DLG2: variants seen among roughly 807,000 people sequenced by gnomAD.
DLG2 encodes the protein disks large homolog 2.
Under a neutral mutation model 132.5 loss-of-function variants are expected in DLG2, and 45 were observed. That is an observed-to-expected ratio of 0.34 (90% CI 0.27 to 0.44). The LOEUF (loss-of-function observed/expected upper bound fraction) is 0.44. Ranked by LOEUF, DLG2 falls within the 20% of genes least tolerant of loss-of-function variation. DLG2 has a pLI of 1.00. For synonymous variants in DLG2, 424 were observed against 419.6 expected (o/e 1.01, Z -0.13); for missense variants, 1,045 against 1,196.9 (o/e 0.87, Z 1.87).
intron 18 of DLG2, among the ~76,000 whole-genome samples, chr11:83,688,840 T>C (rs2080319382): frequency 6.6e-6 from 1 of 152,104 alleles, no homozygotes; most frequent in African/African-American, 2.4e-5. Context: ...GACCACCAAT[T>C]TGTCCTATCC....
At chr11:84,555,046 C>T (rs564272537) in intron 6 of DLG2, among the ~76,000 whole-genome samples, 1 of 151,986 alleles carries the variant, frequency 6.6e-6, no homozygotes, top group African/African-American at 2.4e-5. Context: ...GGAGAGGTAA[C>T]CTGGAATAAG....
chr11:84,766,251 T>C (rs1386169186), intron 6 of DLG2, among the ~76,000 whole-genome samples: 1 of 152,052 alleles, frequency 6.6e-6, no homozygotes, highest in African/African-American at 2.4e-5. Flanking sequence ...TAGGAACTGA[T>C]TGAAATTTTC....
intron 18 of DLG2, among the ~76,000 whole-genome samples, chr11:83,654,812 T>A (rs2071829505): frequency 6.6e-6 from 1 of 152,226 alleles, no homozygotes; most frequent in Non-Finnish European, 1.5e-5. Context: ...ATGCTAGTAA[T>A]AATTAACATA....
intron 6 of DLG2, among the ~76,000 whole-genome samples, chr11:84,580,166 T>G (rs1274283150): frequency 1.3e-5 from 2 of 152,216 alleles, no homozygotes; most frequent in Non-Finnish European, 2.9e-5. Context: ...AAAGTGTGTA[T>G]TACCTAATGG....
intron 3 of DLG2, among the ~76,000 whole-genome samples, chr11:85,578,774 C>T (rs2153228104): frequency 6.6e-6 from 1 of 152,254 alleles, no homozygotes; most frequent in Middle Eastern, 3.4e-3. Flanking sequence ...AGCTTATACA[C>T]TATTAGTGGG....
At chr11:83,926,032 C>T (rs929560751) in intron 15 of DLG2, among the ~76,000 whole-genome samples, 1 of 152,142 alleles carries the variant, frequency 6.6e-6, no homozygotes, top group Non-Finnish European at 1.5e-5. Context: ...GTCAATTCCT[C>T]CAAACATAAT....
intron 7 of DLG2, among the ~76,000 whole-genome samples, chr11:84,493,120 G>C (rs2099169556): frequency 6.6e-6 from 1 of 151,402 alleles, no homozygotes; most frequent in Non-Finnish European, 1.5e-5. Context: ...GTGTCCATCA[G>C]CTTGGGGACA....
Position 85,483,098 on chromosome 11 carries a change from T to G in DLG2, c.40+115559A>C, listed in dbSNP as rs193164800. 2.5e-3 allele frequency among the ~76,000 whole-genome samples: 381 copies of G among 152,252 alleles called. 3 individuals carry two copies. The highest frequency in any genetic ancestry group is 0.01 in the Middle Eastern group (3 of 294). On this transcript the variant is annotated intron_variant, in intron 3 of 27. Coordinates refer to ENST00000376104, the MANE Select transcript of DLG2 (RefSeq NM_001142699.3). ...CCAAGTAGAGGAACAGATACAGGCCTCCAGTCAGATTCAACCCAAACAAGA... is the reference window on the plus strand; with the variant it reads ...CCAAGTAGAGGAACAGATACAGGCCGCCAGTCAGATTCAACCCAAACAAGA...
At chr11:84,488,923 A>G (rs576756382) in intron 7 of DLG2, among the ~76,000 whole-genome samples, 1 of 152,308 alleles carries the variant, frequency 6.6e-6, no homozygotes, top group South Asian at 2.1e-4. Context: ...CCTCTCTTCA[A>G]GAGTATTCAG....
At chr11:84,771,682 C>A (rs1313574188) in intron 6 of DLG2, among the ~76,000 whole-genome samples, 2 of 152,126 alleles carry the variant, frequency 1.3e-5, no homozygotes, top group East Asian at 3.8e-4. Flanking sequence ...CCTGCTATCA[C>A]AAAGACACAC....
intron 14 of DLG2, among the ~76,000 whole-genome samples, chr11:83,954,823 T>A (rs1380664260): frequency 1.3e-5 from 2 of 152,206 alleles, no homozygotes; most frequent in South Asian, 2.1e-4. Flanking sequence ...TGTATTAGAT[T>A]TTCATTGCAG....
At chr11:84,993,721 T>C (rs962602196) in intron 6 of DLG2, among the ~76,000 whole-genome samples, 3 of 152,196 alleles carry the variant, frequency 2.0e-5, no homozygotes, top group Admixed American at 2.0e-4. Flanking sequence ...TCACAACTTT[T>C]GTTAATTAGT....
At chr11:83,531,888 C>G (rs1592611441) in intron 21 of DLG2, among the ~76,000 whole-genome samples, 1 of 145,382 alleles carries the variant, frequency 6.9e-6, no homozygotes. Context: ...AAAAAAGCAG[C>G]CACAAAAGAC....
At chr11:85,412,603 G>A (rs2089413752) in intron 3 of DLG2, among the ~76,000 whole-genome samples, 1 of 151,398 alleles carries the variant, frequency 6.6e-6, no homozygotes, top group African/African-American at 2.4e-5. Context: ...CCACTTATGA[G>A]TGAGAACATA....
chr11:84,506,405 T>A (rs997836162), intron 7 of DLG2, among the ~76,000 whole-genome samples: 1 of 152,082 alleles, frequency 6.6e-6, no homozygotes, highest in Non-Finnish European at 1.5e-5. Context: ...GTAAAAGATA[T>A]GTGAGGACGG....
chr11:85,296,932 T>A (rs1041088882), intron 3 of DLG2, among the ~76,000 whole-genome samples: 2 of 150,234 alleles, frequency 1.3e-5, no homozygotes, highest in Non-Finnish European at 3.0e-5. Flanking sequence ...CATATTATAA[T>A]TTATTGTAGT....
intron 6 of DLG2, among the ~76,000 whole-genome samples, chr11:84,862,662 C>T (rs1244573048): frequency 6.6e-6 from 1 of 151,966 alleles, no homozygotes; most frequent in East Asian, 1.9e-4. Flanking sequence ...AATTCATGTC[C>T]TTTGCAGGGA....
chr11:83,903,834 C>T (rs996004607), intron 15 of DLG2, among the ~76,000 whole-genome samples: 5 of 152,038 alleles, frequency 3.3e-5, no homozygotes, highest in African/African-American at 1.2e-4. Flanking sequence ...TGCAGTAGTC[C>T]CTTCTTATCT....
At chr11:84,542,128 TGAGAGA>T (rs59128357) in intron 6 of DLG2, among the ~76,000 whole-genome samples, 2 of 146,934 alleles carry the variant, frequency 1.4e-5, no homozygotes, top group African/African-American at 2.5e-5. Flanking sequence ...ACAGTACTGA[TGAGAGA>T]GAGAGAGAGA....
Sources: gnomAD v4.1 joint callset for allele counts (sites outside exome capture counted in the v4.1 genomes callset) on GRCh38, gnomAD v4.1.1 for gene constraint, MANE v1.5 for transcripts, NCBI Gene and HGNC (gene_info 2026-07-23, HGNC 2026-07-21) for gene names.